TRPC4: variants seen among roughly 807,000 people sequenced by gnomAD.
The protein encoded by TRPC4 is transient receptor potential cation channel subfamily C member 4, also known as short transient receptor potential channel 4.
A neutral mutation model predicts 99.4 loss-of-function variants in TRPC4; 49 were observed. That is an observed-to-expected ratio of 0.49 (90% CI 0.39 to 0.63). The LOEUF is 0.63. TRPC4 is among the 20% of genes least tolerant of loss of function. The pLI, the probability that TRPC4 is intolerant of heterozygous loss-of-function variation, is 0.00. For missense variants in TRPC4, 898 were observed against 1,152.9 expected (o/e 0.78, Z 3.20); for synonymous variants, 454 against 425.9 (o/e 1.07, Z -0.81).
At chr13:37,705,884 G>T (rs548533194) in intron 3 of TRPC4, among the ~76,000 whole-genome samples, 1 of 152,014 alleles carries the variant, frequency 6.6e-6, no homozygotes, top group Admixed American at 6.6e-5. Flanking sequence ...CTTCCTCACC[G>T]TTACAGGTTT....
intron 3 of TRPC4, among the ~76,000 whole-genome samples, chr13:37,723,060 C>T (rs1235183398): frequency 6.6e-6 from 1 of 152,136 alleles, no homozygotes; most frequent in Non-Finnish European, 1.5e-5. Context: ...TAAAAATACA[C>T]AGTGGCCAGA....
At chr13:37,651,916 T>C (rs968575031) in intron 7 of TRPC4, among the ~76,000 whole-genome samples, 1 of 152,204 alleles carries the variant, frequency 6.6e-6, no homozygotes, top group Non-Finnish European at 1.5e-5. Flanking sequence ...AAAGTCTTAT[T>C]GGATATGTTT....
At position 37,719,513 on chromosome 13, in the gene TRPC4, C is replaced by G. The variant is rs190735060; in HGVS notation, c.897+26424G>C. 2.6e-3 allele frequency among the ~76,000 whole-genome samples: 398 copies of G among 152,018 alleles called. 1 individual carries two copies. Among genetic ancestry groups the G allele is most frequent in the Non-Finnish European group, 3.6e-3 (248 of 67,968 alleles). The stretch of plus-strand genomic sequence containing the variant: ...ACTCAAATCAGTAAGGAATGAAGAA[C>G]ATTAGAAAAGGCAAATAGGTATATA... On this transcript the variant is annotated intron_variant, in intron 3 of 10. Coordinates refer to ENST00000379705, the MANE Select transcript of TRPC4 (RefSeq NM_016179.4).
At chr13:37,857,773 C>T (rs1288314955) in intron 1 of TRPC4, among the ~76,000 whole-genome samples, 1 of 151,480 alleles carries the variant, frequency 6.6e-6, no homozygotes, top group East Asian at 1.9e-4. Flanking sequence ...ATCAAAGTGG[C>T]TTAAAAATTT....
intron 6 of TRPC4, 86 bp from the exon 7 acceptor site, chr13:37,655,369 A>G: frequency 2.6e-6 from 1 of 384,578 alleles, no homozygotes. Context: ...GCATGATTAT[A>G]TATATATATA....
At chr13:37,781,594 T>C (rs1359490127) in intron 2 of TRPC4, among the ~76,000 whole-genome samples, 1 of 152,100 alleles carries the variant, frequency 6.6e-6, no homozygotes, top group African/African-American at 2.4e-5. Context: ...TTGTTCACGT[T>C]TGAAAGAATA....
intron 3 of TRPC4, among the ~76,000 whole-genome samples, chr13:37,697,059 T>C (rs899409776): frequency 6.6e-6 from 1 of 152,126 alleles, no homozygotes; most frequent in African/African-American, 2.4e-5. Flanking sequence ...CTGGCCCCTC[T>C]GAGCATAGTC....
intron 8 of TRPC4, among the ~76,000 whole-genome samples, chr13:37,644,924 CTT>C (rs373307166): frequency 4.3e-5 from 6 of 140,652 alleles, no homozygotes; most frequent in African/African-American, 1.6e-4. Flanking sequence ...CATTTTGCAG[CTT>C]TTTTTTTTGT....
intron 6 of TRPC4, among the ~76,000 whole-genome samples, chr13:37,659,326 C>CT (rs1335536104): frequency 6.6e-6 from 1 of 152,130 alleles, no homozygotes; most frequent in Non-Finnish European, 1.5e-5. Flanking sequence ...CTCTTTCCCC[C>CT]TGTGATGCCT....
At position 37,727,417 on chromosome 13, in the gene TRPC4, G is replaced by T. The variant is rs567566022; in HGVS notation, c.897+18520C>A. On this transcript the variant is annotated intron_variant, in intron 3 of 10. Coordinates refer to ENST00000379705, the MANE Select transcript of TRPC4 (RefSeq NM_016179.4). ...ACATACCAAAATTTATGAGACACAA[G>T]GATAGCAGAGCTAAGGGGGAAATTT... Among the ~76,000 whole-genome samples the T allele has an allele frequency of 1.1e-3, 170 of 151,748 alleles. 1 individual carries two copies. Among genetic ancestry groups the T allele is most frequent in the East Asian group, 3.9e-4 (2 of 5,162 alleles).
At chr13:37,737,335 C>T (rs1489707585) in intron 3 of TRPC4, among the ~76,000 whole-genome samples, 3 of 151,996 alleles carry the variant, frequency 2.0e-5, no homozygotes, top group Admixed American at 6.6e-5. Flanking sequence ...TATTACATTT[C>T]ATCTTCACAA....
At chr13:37,661,779 A>G (rs1321550617) in intron 6 of TRPC4, among the ~76,000 whole-genome samples, 1 of 152,022 alleles carries the variant, frequency 6.6e-6, no homozygotes, top group Admixed American at 6.6e-5. Context: ...GCCAAGTTGC[A>G]AGTCAAGAAC....
At chr13:37,810,629 T>A (rs1372820812) in intron 1 of TRPC4, among the ~76,000 whole-genome samples, 1 of 152,094 alleles carries the variant, frequency 6.6e-6, no homozygotes, top group Admixed American at 6.6e-5. Flanking sequence ...TGAAGTTAGT[T>A]AACAAATGAT....
chr13:37,639,784 G>A (rs1951658926), intron 8 of TRPC4, among the ~76,000 whole-genome samples: 1 of 147,966 alleles, frequency 6.8e-6, no homozygotes, highest in South Asian at 2.1e-4. Flanking sequence ...TATACAGTAA[G>A]AGGAGATTCC....
At chr13:37,662,720 T>C (rs1459233526) in intron 6 of TRPC4, among the ~76,000 whole-genome samples, 1 of 152,228 alleles carries the variant, frequency 6.6e-6, no homozygotes, top group South Asian at 2.1e-4. Context: ...TTTGTCACAG[T>C]GGGAAGGAAA....
intron 2 of TRPC4, among the ~76,000 whole-genome samples, chr13:37,747,218 G>T (rs187127068): frequency 3.7e-4 from 56 of 152,158 alleles, no homozygotes. Flanking sequence ...AATAATAGCC[G>T]CCATTTAGTA....
chr13:37,649,846 T>C (rs767479307), intron 8 of TRPC4, among the ~76,000 whole-genome samples: 2 of 151,788 alleles, frequency 1.3e-5, no homozygotes, highest in Non-Finnish European at 2.9e-5. Flanking sequence ...TTTCACTCCC[T>C]TCTAAGGTCA....
intron 1 of TRPC4, among the ~76,000 whole-genome samples, chr13:37,868,903 C>T (rs4144140): frequency 0.41 from 62,286 of 151,914 alleles, 13,916 homozygotes; most frequent in Admixed American, 0.55. Flanking sequence ...CAAAAGACAG[C>T]TGACTTCACA....
chr13:37,824,790 A>G (rs1958148801), intron 1 of TRPC4, among the ~76,000 whole-genome samples: 1 of 152,150 alleles, frequency 6.6e-6, no homozygotes, highest in South Asian at 2.1e-4. Flanking sequence ...GCCTCATAAA[A>G]TGAGTTAGGG....
Sources: gnomAD v4.1 joint callset for allele counts (sites outside exome capture counted in the v4.1 genomes callset) on GRCh38, gnomAD v4.1.1 for gene constraint, MANE v1.5 for transcripts, NCBI Gene and HGNC (gene_info 2026-07-23, HGNC 2026-07-21) for gene names.